The following TAFA3 variants were observed in gnomAD, a reference collection of about 807,000 sequenced individuals.
TAFA3 encodes chemokine-like protein TAFA-3.
In TAFA3, 17 loss-of-function variants were observed where a neutral mutation model predicts 20.7. That is an observed-to-expected ratio of 0.82 (90% CI 0.56 to 1.23). The LOEUF (loss-of-function observed/expected upper bound fraction) is 1.23. Among genes scored for constraint, TAFA3 ranks in the 50% most tolerant of loss-of-function variants. The pLI is 0.00. For synonymous variants in TAFA3, 74 were observed against 71.8 expected (o/e 1.03, Z -0.16); for missense variants, 174 against 172.8 (o/e 1.01, Z -0.04).
chr1:112,719,013 G>C lies in TAFA3; in HGVS notation c.-346G>C, dbSNP rs1675267218. On this transcript the variant is annotated 5_prime_UTR_variant, in exon 1 of 6. Transcript: ENST00000361886. ...CTGCGCGCTCCCCGGCCTGCCGGCAGGAACCTTGGAAAAAACCCGGCTGAG... is the reference window on the plus strand; with the variant it reads ...CTGCGCGCTCCCCGGCCTGCCGGCACGAACCTTGGAAAAAACCCGGCTGAG... Among the ~76,000 whole-genome samples, 1 of 152,226 alleles carries C rather than the reference G, an allele frequency of 6.6e-6. No individual in the cohort carries two copies. Among genetic ancestry groups the C allele is most frequent in the Non-Finnish European group, 1.5e-5 (1 of 68,034 alleles).
intron 5 of TAFA3, among the ~76,000 whole-genome samples, chr1:112,724,383 T>A (rs113761036): frequency 0.02 from 2,989 of 152,108 alleles, 106 homozygotes; most frequent in African/African-American, 0.068. Context: ...TCCTCCTGTC[T>A]GCCTGGAATT....
intron 5 of TAFA3, among the ~76,000 whole-genome samples, chr1:112,726,236 A>G (rs1048990821): frequency 6.6e-6 from 1 of 152,280 alleles, no homozygotes; most frequent in African/African-American, 2.4e-5. Flanking sequence ...AAGGAGCTAC[A>G]GCAAGAAAAA....
chr1:112,722,403 C>T, intron 3 of TAFA3, 55 bp downstream of exon 3: 2 of 1,429,484 alleles, frequency 1.4e-6, no homozygotes, highest in Non-Finnish European at 2.0e-6. Context: ...ACCTGGGGAG[C>T]TGGACACCAC....
intron 5 of TAFA3, among the ~76,000 whole-genome samples, chr1:112,725,395 T>TAAAAAAAA (rs35474012): frequency 1.2e-5 from 1 of 83,374 alleles, no homozygotes; most frequent in African/African-American, 4.9e-5. Flanking sequence ...GTTGAAATAT[T>TAAAAAAAA]AAAAAAAAAA....
chr1:112,723,858 T>C, intron 4 of TAFA3, 155 bp from the exon 5 acceptor site: 1 of 1,500,790 alleles, frequency 6.7e-7, no homozygotes, highest in Non-Finnish European at 9.1e-7. Flanking sequence ...GAGTACTGCC[T>C]CTCTGGGCAG....
intron 1 of TAFA3, among the ~76,000 whole-genome samples, chr1:112,719,614 AC>A (rs1171647330): frequency 3.3e-5 from 5 of 151,762 alleles, no homozygotes; most frequent in African/African-American, 9.7e-5. Flanking sequence ...TCTGCTCCCC[AC>A]CCCACCAAGG....
intron 5 of TAFA3, among the ~76,000 whole-genome samples, 156 bp downstream of exon 5, chr1:112,724,293 C>T (rs1309936067): frequency 1.3e-5 from 2 of 152,052 alleles, no homozygotes; most frequent in African/African-American, 2.4e-5. Flanking sequence ...TCTGTTCTCA[C>T]TGGGGACTGG....
rs1184825340 is a variant in TAFA3 at position 112,721,788 on chromosome 1, C to T, written c.-1-445C>T. Among the ~76,000 whole-genome samples, 3 of 152,318 alleles carry T rather than the reference C, an allele frequency of 2.0e-5. No homozygotes were observed. The East Asian group carries it at 5.8e-4, about 29-fold the overall frequency. ...TACAGACTCTTTACGATGTATTCAG[C>T]CAGTCTTTTACTGATGGTTGTTTAG... On this transcript the variant is annotated intron_variant, in intron 2 of 5. Coordinates refer to ENST00000361886, the MANE Select transcript of TAFA3 (RefSeq NM_182759.3).
intron 4 of TAFA3, 22 bp downstream of exon 4, chr1:112,723,187 G>A (rs371305472): frequency 2.5e-5 from 41 of 1,609,236 alleles, no homozygotes; most frequent in Middle Eastern, 1.7e-4. Flanking sequence ...GCCAGGACCC[G>A]GGCAGGGCCC....
intron 5 of TAFA3, among the ~76,000 whole-genome samples, chr1:112,725,944 C>G (rs1430195965): frequency 6.6e-6 from 1 of 152,132 alleles, no homozygotes; most frequent in African/African-American, 2.4e-5. Flanking sequence ...CAAGACCAAC[C>G]TGGTCAACAT....
At chr1:112,724,235 C>T (rs1421259338) in intron 5 of TAFA3, 98 bp downstream of exon 5, 12 of 1,117,134 alleles carry the variant, frequency 1.1e-5, no homozygotes, top group East Asian at 2.6e-5. Context: ...ATGTCAGTGT[C>T]CCAAGGTGAG....
At chr1:112,724,286 G>T (rs1570854229) in intron 5 of TAFA3, 149 bp downstream of exon 5, 2 of 748,876 alleles carry the variant, frequency 2.7e-6, no homozygotes, top group Middle Eastern at 3.9e-4. Context: ...TCTCAGGTCT[G>T]TTCTCACTGG....
Position 112,722,222 on chromosome 1 carries a change from T to G in TAFA3, c.-1-11T>G, listed in dbSNP as rs778252707. On this transcript the variant is annotated splice_polypyrimidine_tract_variant and intron_variant, in intron 2 of 5. Coordinates refer to ENST00000361886, the MANE Select transcript of TAFA3 (RefSeq NM_182759.3). ...CCTGGAGCTGAGCAGAATGTGTGCTTCTCTCCGCAGGATGAGTGAGAGGGT... is the reference window on the plus strand; with the variant it reads ...CCTGGAGCTGAGCAGAATGTGTGCTGCTCTCCGCAGGATGAGTGAGAGGGT... 4 of 1,613,452 alleles carry G rather than the reference T, an allele frequency of 2.5e-6. No individual in the cohort carries two copies. Among genetic ancestry groups the G allele is most frequent in the Non-Finnish European group, 3.4e-6 (4 of 1,179,648 alleles).
intron 2 of TAFA3, among the ~76,000 whole-genome samples, chr1:112,721,604 A>G (rs1435842973): frequency 1.3e-5 from 2 of 151,678 alleles, no homozygotes; most frequent in Admixed American, 1.3e-4. Context: ...ATGAACCACC[A>G]CTCCTGGCCT....
chr1:112,723,129 G>T lies in TAFA3; in HGVS notation c.229G>T (p.Ala77Ser), dbSNP rs767031270. The change falls in exon 4 of 6, where the codon GCC becomes TCC. Residue 77 changes from alanine (A) to serine (S), a missense_variant. Physicochemically the swap from Ala to Ser is moderately conservative, Grantham distance 99. Coordinates refer to ENST00000361886, the MANE Select transcript of TAFA3 (RefSeq NM_182759.3). ...VKCSCFSGQV[A>S]GTTRAKPSCV... ...ATGCTCCTGTTTTTCTGGCCAGGTGGCCGGCACCACGCGGGCAAAGCCCTC... is the reference window on the plus strand; with the variant it reads ...ATGCTCCTGTTTTTCTGGCCAGGTGTCCGGCACCACGCGGGCAAAGCCCTC... The T allele has an allele frequency of 1.2e-6, 2 of 1,613,258 alleles. No homozygotes were observed. Among genetic ancestry groups the T allele is most frequent in the Admixed American group, 1.7e-5 (1 of 59,982 alleles).
chr1:112,725,412 AAAAC>A (rs1383073841), intron 5 of TAFA3, among the ~76,000 whole-genome samples: 1 of 152,062 alleles, frequency 6.6e-6, no homozygotes, highest in Non-Finnish European at 1.5e-5. Flanking sequence ...AAAAAAAAAA[AAAAC>A]ATAGTCGAGA....
chr1:112,725,727 G>T (rs546330703), intron 5 of TAFA3, among the ~76,000 whole-genome samples: 2 of 152,160 alleles, frequency 1.3e-5, no homozygotes, highest in East Asian at 1.9e-4. Context: ...CTAATCAGCC[G>T]CATTGCTCTG....
In TAFA3 at chr1:112,722,918, C is replaced by T. The variant is rs539054666; in HGVS notation, c.116-98C>T. 2.1e-6 allele frequency: 3 copies of T among 1,445,974 alleles called. No homozygotes were observed. The African/African-American group carries it at 4.2e-5, about 20-fold the overall frequency. The allele number at this position is 1,445,974 out of a possible 1,614,324, so 89.6% of individuals were successfully genotyped here. Reference sequence around the variant, plus strand: ...CACTGGCAGTCTCTTCCATAGCCCTCCCTGCAGCAGGGAGGAGGGGCTGGA... The same window carrying T: ...CACTGGCAGTCTCTTCCATAGCCCTTCCTGCAGCAGGGAGGAGGGGCTGGA... On this transcript the variant is annotated intron_variant, in intron 3 of 5. Transcript: ENST00000361886.
At position 112,724,152 on chromosome 1, in the gene TAFA3, C is replaced by A; in HGVS notation, c.390+15C>A. On this transcript the variant is annotated intron_variant, in intron 5 of 5. Transcript: ENST00000361886. Reference sequence around the variant, plus strand: ...AAACCACCAAGGTACCCTGGGTGGGCACCTCATCCCACCCTCCCCTTCCCT... The same window carrying A: ...AAACCACCAAGGTACCCTGGGTGGGAACCTCATCCCACCCTCCCCTTCCCT... The A allele has an allele frequency of 6.4e-7, 1 of 1,562,092 alleles. No individual in the cohort carries two copies. The highest frequency in any genetic ancestry group is 8.7e-7 in the Non-Finnish European group (1 of 1,150,926).
Sources: allele counts gnomAD v4.1 joint callset (sites outside exome capture counted in the v4.1 genomes callset), GRCh38; gene constraint gnomAD v4.1.1; transcripts MANE v1.5; gene names NCBI Gene and HGNC (gene_info 2026-07-23, HGNC 2026-07-21).